The following MYH11 variants were observed in gnomAD, a reference collection of about 807,000 sequenced individuals.
MYH11 encodes myosin-11.
A neutral mutation model predicts 246.6 loss-of-function variants in MYH11; 80 were observed. The ratio of observed to expected loss-of-function variants is 0.32; its 90% CI spans 0.27 to 0.39. The LOEUF is 0.39. MYH11 is among the 10% of genes least tolerant of loss of function. The pLI, the probability that MYH11 is intolerant of heterozygous loss-of-function variation, is 1.00. For missense variants in MYH11, 2,158 were observed against 2,546.8 expected, an observed-to-expected ratio of 0.85 and a Z score of 3.29; for synonymous variants, 1,071 against 1,015.5, an observed-to-expected ratio of 1.05 and a Z score of -1.04.
At chr16:15,704,250 A>G in intron 40 of MYH11, 127 bp from the exon 41 acceptor site, 1 of 1,030,090 alleles carries the variant, frequency 9.7e-7, no homozygotes, top group Non-Finnish European at 1.4e-6. Flanking sequence ...TATGGCAGAA[A>G]ACACACACGG....
At position 15,719,622 on chromosome 16, in the gene MYH11, G is replaced by C. The variant is rs777361412; in HGVS notation, c.5045C>G (p.Ala1682Gly). The change falls in exon 35 of 41, where the codon GCC becomes GGC. Residue 1682 changes from alanine to glycine, a missense_variant. This residue lies in a region of MYH11 where 1,013 missense variants were observed against 993.5 expected (regional missense o/e 1.02). Coordinates refer to ENST00000300036, the MANE Select transcript of MYH11 (RefSeq NM_002474.3). ...CATGAGGTCTGCTTCCAAGCTCTTG[G>C]CTTTCTTCTCATTCTCTTTGGCTGT... Reference protein sequence around the residue: ...FATAKENEKKAKSLEADLMQL... With the variant: ...FATAKENEKKGKSLEADLMQL... 20 of 1,614,174 alleles carry C rather than the reference G, an allele frequency of 1.2e-5. 1 individual carries two copies. The South Asian group carries it at 2.1e-4, about 17-fold the overall frequency.
chr16:15,718,480 C>G, intron 36 of MYH11, 42 bp from the exon 37 acceptor site: 1 of 1,537,546 alleles, frequency 6.5e-7, no homozygotes, highest in Non-Finnish European at 8.7e-7. Context: ...TACCCTCCCC[C>G]GCCTTAAAAG....
At chr16:15,747,394 C>G (rs1161577494) in intron 19 of MYH11, among the ~76,000 whole-genome samples, 176 bp downstream of exon 19, 1 of 152,106 alleles carries the variant, frequency 6.6e-6, no homozygotes, top group Non-Finnish European at 1.5e-5. Flanking sequence ...TTCCTGCACT[C>G]GTAACTTGGT....
intron 6 of MYH11, among the ~76,000 whole-genome samples, chr16:15,780,549 T>C (rs918627054): frequency 4.2e-5 from 6 of 144,404 alleles, no homozygotes; most frequent in Non-Finnish European, 9.0e-5. Context: ...TGGTGTGACT[T>C]TGGCTCACTG....
intron 4 of MYH11, chr16:15,792,314 G>C (rs575413220): frequency 6.6e-6 from 1 of 152,162 alleles, no homozygotes; most frequent in East Asian, 1.9e-4. Context: ...GCCCCCTAAA[G>C]TGTTGGGATT....
intron 7 of MYH11, among the ~76,000 whole-genome samples, chr16:15,777,104 T>TACACACACACACAC (rs111888764): frequency 9.0e-4 from 133 of 147,978 alleles, no homozygotes; most frequent in African/African-American, 3.3e-3. Context: ...CACGCACACA[T>TACACACACACACAC]ACACACACAC....
chr16:15,744,664 A>G (rs2041367920), intron 20 of MYH11, among the ~76,000 whole-genome samples: 1 of 151,844 alleles, frequency 6.6e-6, no homozygotes, highest in African/African-American at 2.4e-5. Flanking sequence ...CACCATACCC[A>G]GCTAATTTTT....
At position 15,851,976 on chromosome 16, in the gene MYH11, C is replaced by T. The variant is rs533763919; in HGVS notation, c.-18+4965G>A. 2.9e-3 allele frequency among the ~76,000 whole-genome samples: 441 copies of T among 152,226 alleles called. 3 individuals carry two copies. Among genetic ancestry groups the T allele is most frequent in the Middle Eastern group, 0.01 (3 of 294 alleles). The stretch of plus-strand genomic sequence containing the variant: ...ATGTATAGTCTCCTATGTCAGGGGT[C>T]CCCAACCCTTGTGCTGCAGTATCAG... On this transcript the variant is annotated intron_variant, in intron 1 of 40. Coordinates refer to ENST00000300036, the MANE Select transcript of MYH11 (RefSeq NM_002474.3).
Position 15,717,017 on chromosome 16 carries a change from G to A in MYH11, c.5504+123C>T. ...TTCTCACAACATACCTGCACTGTAG[G>A]CATCACAGAGCTTGCTTCTTACAAG... On this transcript the variant is annotated intron_variant, in intron 38 of 40. Transcript: ENST00000300036. 6 of 1,021,374 alleles carry A rather than the reference G, an allele frequency of 5.9e-6. No individual in the cohort carries two copies. The Admixed American group carries it at 1.0e-4, about 17-fold the overall frequency. 63.3% of individuals were successfully genotyped at this position (1,021,374 alleles called of 1,614,324 possible).
chr16:15,843,194 A>C (rs1000559865), intron 1 of MYH11, among the ~76,000 whole-genome samples: 9 of 151,596 alleles, frequency 5.9e-5, no homozygotes, highest in African/African-American at 2.2e-4. Flanking sequence ...ACATGGGAAA[A>C]CCCTGTCTCT....
intron 1 of MYH11, among the ~76,000 whole-genome samples, chr16:15,853,545 G>A (rs1477001106): frequency 6.6e-6 from 1 of 152,116 alleles, no homozygotes; most frequent in Non-Finnish European, 1.5e-5. Context: ...TCCCCTTTCA[G>A]CCACTGTGAG....
chr16:15,798,536 G>A, intron 4 of MYH11, 124 bp downstream of exon 4: 2 of 1,015,426 alleles, frequency 2.0e-6, no homozygotes, highest in Non-Finnish European at 2.9e-6. Context: ...GAGGCACTTG[G>A]AACCATGAAC....
chr16:15,817,118 T>C lies in MYH11; in HGVS notation c.502+6137A>G, dbSNP rs116563247. 3.1e-3 allele frequency among the ~76,000 whole-genome samples: 468 copies of C among 152,258 alleles called. 2 individuals are homozygous for C. Among genetic ancestry groups the C allele is most frequent in the African/African-American group, 0.01 (424 of 41,544 alleles). The stretch of plus-strand genomic sequence containing the variant: ...TACACTAGAAACCATAATTGTCTCT[T>C]GGGAGGGAAGCTAAGGGTCTAATGC... On this transcript the variant is annotated intron_variant, in intron 3 of 40. Coordinates refer to ENST00000300036, the MANE Select transcript of MYH11 (RefSeq NM_002474.3).
rs531222844 is a variant in MYH11, at chr16:15,737,472, C to T, written c.3270G>A (p.Glu1090=). 1.4e-5 allele frequency: 23 copies of T among 1,613,464 alleles called. No homozygotes were observed. In the South Asian group the frequency reaches 2.4e-4, roughly 17 times the overall value. Residue 1090 remains glutamate (E), a synonymous_variant, in exon 25 of 41, where the codon GAG becomes GAA. Transcript: ENST00000300036. The stretch of plus-strand genomic sequence containing the variant: ...ACCTGGCCAGGGCCGCCTGCAGCTC[C>T]TCCTCCTTCTTGGCCAGCTGCATCT... ...ELKMQLAKKE[E]ELQAALARLD...
At chr16:15,792,774 G>C (rs915824888) in intron 4 of MYH11, 1 of 152,136 alleles carries the variant, frequency 6.6e-6, no homozygotes, top group Non-Finnish European at 1.5e-5. Flanking sequence ...GTGTCACCCA[G>C]GCTGAAGTGC....
Position 15,775,784 on chromosome 16 carries a change from C to G in MYH11, c.889+294G>C, listed in dbSNP as rs527537170. 1.1e-5 allele frequency: 5 copies of G among 464,268 alleles called. No homozygotes were observed. In the East Asian group the frequency reaches 1.5e-4, roughly 14 times the overall value. 28.8% of individuals were successfully genotyped at this position (464,268 alleles called of 1,614,324 possible). A position where few individuals can be genotyped will look rare whatever the true frequency, so the allele number is the denominator to read the frequency against. On this transcript the variant is annotated intron_variant, in intron 8 of 40. Coordinates refer to ENST00000300036, the MANE Select transcript of MYH11 (RefSeq NM_002474.3). ...CTTTCCTTGAAGGCGTAGATTGTGT[C>G]TAGTTGGACTTGATGCTCTCTGGTC...
At chr16:15,829,079 G>A (rs2043655885) in intron 2 of MYH11, among the ~76,000 whole-genome samples, 1 of 151,714 alleles carries the variant, frequency 6.6e-6, no homozygotes, top group African/African-American at 2.4e-5. Context: ...AGCTACTCAG[G>A]AGTCTGAGGC....
chr16:15,740,094 T>C lies in MYH11; in HGVS notation c.2954A>G (p.Asp985Gly), dbSNP rs974621161. 6.2e-7 allele frequency: 1 copy of C among 1,614,096 alleles called. No homozygotes were observed. The highest frequency in any genetic ancestry group is 1.3e-5 in the African/African-American group (1 of 74,934). The change falls in exon 23 of 41, where the codon GAT (aspartate) becomes GGT (glycine). Residue 985 changes from aspartate to glycine, a missense_variant. Transcript: ENST00000300036. ...TAEAKIKKLE[D>G]EILVMDDQNN... ...CTGATCATCCATGACCAGGATCTCA[T>C]CCTCCAGTTTCTTGATCTTGGCCTC...
chr16:15,765,299 C>G (rs189184881), intron 9 of MYH11, among the ~76,000 whole-genome samples: 31 of 151,566 alleles, frequency 2.0e-4, no homozygotes, highest in African/African-American at 7.3e-4. Context: ...ATGAATAATT[C>G]ATGGATAGAG....
Sources: allele counts gnomAD v4.1 joint callset (sites outside exome capture counted in the v4.1 genomes callset), GRCh38; gene constraint gnomAD v4.1.1; regional missense constraint gnomAD v4.1.1; transcripts MANE v1.5; gene names NCBI Gene and HGNC (gene_info 2026-07-23, HGNC 2026-07-21).